Variants in SHANK2 observed in about 807,000 individuals in gnomAD.
The protein encoded by SHANK2 is SH3 and multiple ankyrin repeat domains 2, also known as SH3 and multiple ankyrin repeat domains protein 2.
In SHANK2, 43 loss-of-function variants were observed where a neutral mutation model predicts 133.7. That is an observed-to-expected ratio of 0.32 (90% confidence interval 0.25 to 0.41). The LOEUF is 0.41. Among genes scored for constraint, SHANK2 ranks in the 10% least tolerant of loss-of-function variants. The pLI, the probability that SHANK2 is intolerant of heterozygous loss-of-function variation, is 1.00. For missense variants in SHANK2, 1,994 were observed against 2,235.8 expected (o/e 0.89, Z 2.18); for synonymous variants, 1,017 against 952.8 (o/e 1.07, Z -1.24).
intron 17 of SHANK2, among the ~76,000 whole-genome samples, chr11:70,556,389 T>C (rs979779197): frequency 7.3e-6 from 1 of 136,164 alleles, no homozygotes; most frequent in Non-Finnish European, 1.6e-5. Context: ...GTCTCTTTCT[T>C]TCTTTCTCTC....
chr11:70,765,927 A>G (rs1040026912), intron 14 of SHANK2, among the ~76,000 whole-genome samples: 8 of 151,608 alleles, frequency 5.3e-5, no homozygotes, highest in Non-Finnish European at 1.0e-4. Context: ...AGCACCTTGG[A>G]AACGGGAAGA....
intron 17 of SHANK2, among the ~76,000 whole-genome samples, chr11:70,652,710 C>A (rs1246469904): frequency 2.0e-5 from 3 of 152,132 alleles, no homozygotes; most frequent in African/African-American, 7.2e-5. Flanking sequence ...ACTTGGAAGG[C>A]TGAGGTGGGA....
intron 11 of SHANK2, among the ~76,000 whole-genome samples, chr11:70,845,902 C>T (rs994965165): frequency 6.6e-6 from 1 of 152,154 alleles, no homozygotes; most frequent in Non-Finnish European, 1.5e-5. Flanking sequence ...AATGAAACAA[C>T]AAGCAACGCA....
chr11:70,815,190 ACAC>A (rs1948365921), intron 12 of SHANK2, among the ~76,000 whole-genome samples: 1 of 73,888 alleles, frequency 1.4e-5, no homozygotes, highest in Non-Finnish European at 2.5e-5. Context: ...ACACACACAC[ACAC>A]ACACACACAC....
chr11:71,208,926 T>C (rs919423454), intron 2 of SHANK2, among the ~76,000 whole-genome samples: 3 of 152,130 alleles, frequency 2.0e-5, no homozygotes, highest in Non-Finnish European at 2.9e-5. Flanking sequence ...CATGATCCTG[T>C]TGAGATGACC....
At chr11:71,227,783 A>C (rs1954665629) in intron 1 of SHANK2, among the ~76,000 whole-genome samples, 1 of 152,210 alleles carries the variant, frequency 6.6e-6, no homozygotes, top group South Asian at 2.1e-4. Context: ...GTGTTCATGA[A>C]ATTTATAGCA....
intron 10 of SHANK2, among the ~76,000 whole-genome samples, chr11:70,900,016 T>G (rs1555076449): frequency 1.3e-5 from 2 of 152,126 alleles, no homozygotes; most frequent in African/African-American, 4.8e-5. Context: ...ATCTCACAAG[T>G]AAAGGTTTAG....
chr11:70,844,951 AG>A (rs1948972846), intron 11 of SHANK2, among the ~76,000 whole-genome samples: 1 of 152,146 alleles, frequency 6.6e-6, no homozygotes, highest in African/African-American at 2.4e-5. Flanking sequence ...CTGTAATCCC[AG>A]CACTTTGGGA....
chr11:71,098,253 CTG>C (rs1290118750), intron 6 of SHANK2, among the ~76,000 whole-genome samples: 11 of 147,406 alleles, frequency 7.5e-5, no homozygotes, highest in Non-Finnish European at 1.3e-4. Flanking sequence ...ATGTGCATGC[CTG>C]TGTGTGCACA....
intron 14 of SHANK2, among the ~76,000 whole-genome samples, chr11:70,724,311 C>T (rs1427734936): frequency 1.3e-5 from 2 of 152,174 alleles, no homozygotes; most frequent in Admixed American, 6.5e-5. Context: ...GCTGGGATTA[C>T]AGAAATGAGC....
intron 15 of SHANK2, among the ~76,000 whole-genome samples, chr11:70,671,497 T>A (rs1944807981): frequency 6.6e-6 from 1 of 152,204 alleles, no homozygotes; most frequent in African/African-American, 2.4e-5. Context: ...GATTCAGCAC[T>A]CAGCAGGGGC....
intron 17 of SHANK2, among the ~76,000 whole-genome samples, chr11:70,600,247 T>C (rs912452986): frequency 2.8e-4 from 43 of 151,840 alleles, no homozygotes; most frequent in African/African-American, 8.2e-4. Context: ...GGCGAAACCC[T>C]GTCTCTACTA....
chr11:71,202,776 C>T (rs1289588533), intron 2 of SHANK2, among the ~76,000 whole-genome samples: 1 of 152,228 alleles, frequency 6.6e-6, no homozygotes, highest in Admixed American at 6.5e-5. Context: ...TCTCCATCCA[C>T]CTGGCCGGCT....
intron 17 of SHANK2, among the ~76,000 whole-genome samples, chr11:70,594,818 G>A (rs1280843224): frequency 1.1e-4 from 16 of 152,114 alleles, no homozygotes; most frequent in Non-Finnish European, 1.2e-4. Flanking sequence ...CTGCCCTTTC[G>A]CTATGGCCCA....
chr11:70,599,299 A>G (rs1282641622), intron 17 of SHANK2, among the ~76,000 whole-genome samples: 1 of 152,124 alleles, frequency 6.6e-6, no homozygotes, highest in Non-Finnish European at 1.5e-5. Context: ...GGAGATACTT[A>G]AAAAACCAGT....
At position 71,131,268 on chromosome 11, in the gene SHANK2, C is replaced by T. The variant is rs559955178; in HGVS notation, c.208-12236G>A. On this transcript the variant is annotated intron_variant, in intron 3 of 25. Coordinates refer to ENST00000601538, the MANE Select transcript of SHANK2 (RefSeq NM_012309.5). ...CTCGTGGTGGCAAACACTAAAACCC[C>T]GGCACGGGTAACACACGAAGCTGAA... is the stretch of plus-strand genomic sequence containing the variant. 5.3e-5 allele frequency among the ~76,000 whole-genome samples: 8 copies of T among 152,318 alleles called. No individual in the cohort carries two copies. The South Asian group carries it at 8.3e-4, about 16-fold the overall frequency.
At chr11:70,815,175 A>AACACACACACAC (rs61610592) in intron 12 of SHANK2, among the ~76,000 whole-genome samples, 33 of 119,716 alleles carry the variant, frequency 2.8e-4, no homozygotes, top group African/African-American at 4.3e-4. Flanking sequence ...TGGGAGAAGA[A>AACACACACACAC]ACACACACAC....
At chr11:70,527,784 A>G (rs1448970793) in intron 17 of SHANK2, among the ~76,000 whole-genome samples, 1 of 152,206 alleles carries the variant, frequency 6.6e-6, no homozygotes, top group Admixed American at 6.5e-5. Context: ...ACTCTCCTTC[A>G]GGAGGCTAGG....
intron 10 of SHANK2, among the ~76,000 whole-genome samples, chr11:70,932,639 A>G (rs546196988): frequency 1.3e-5 from 2 of 152,312 alleles, no homozygotes; most frequent in East Asian, 3.9e-4. Flanking sequence ...ACCAAAGCAA[A>G]TGCCAGGGTA....
Sources: gnomAD v4.1 joint callset for allele counts (sites outside exome capture counted in the v4.1 genomes callset) on GRCh38, gnomAD v4.1.1 for gene constraint, MANE v1.5 for transcripts, NCBI Gene and HGNC (gene_info 2026-07-23, HGNC 2026-07-21) for gene names.